Variants in NXPH2 observed in about 807,000 individuals in gnomAD.
NXPH2 encodes the protein neurexophilin 2.
A neutral mutation model predicts 19.8 loss-of-function variants in NXPH2; 5 were observed. The observed-to-expected ratio is 0.25, with a 90% CI of 0.13 to 0.53. The LOEUF is 0.53. Ranked by LOEUF, NXPH2 falls within the 20% of genes least tolerant of loss-of-function variation. NXPH2 has a pLI of 0.96. For synonymous variants in NXPH2, 154 were observed against 127.4 expected (o/e 1.21, Z -1.41); for missense variants, 289 against 322.8 (o/e 0.90, Z 0.80).
chr2:138,700,997 G>C (rs1179736569), intron 1 of NXPH2, among the ~76,000 whole-genome samples: 2 of 152,032 alleles, frequency 1.3e-5, no homozygotes, highest in East Asian at 1.9e-4. Flanking sequence ...AGCGACAAAG[G>C]CAGGCAGGAA....
chr2:138,707,815 C>G (rs1681040892), intron 1 of NXPH2, among the ~76,000 whole-genome samples: 1 of 152,046 alleles, frequency 6.6e-6, no homozygotes, highest in African/African-American at 2.4e-5. Flanking sequence ...TGGATTTGGC[C>G]CATCATTCTA....
chr2:138,710,067 G>A (rs1294215222), intron 1 of NXPH2, among the ~76,000 whole-genome samples: 1 of 152,122 alleles, frequency 6.6e-6, no homozygotes, highest in East Asian at 1.9e-4. Context: ...TAAACATCAA[G>A]CAATAACTCC....
chr2:138,753,945 G>C (rs1558929775), intron 1 of NXPH2, among the ~76,000 whole-genome samples: 1 of 151,984 alleles, frequency 6.6e-6, no homozygotes, highest in Non-Finnish European at 1.5e-5. Flanking sequence ...CAATTACTTA[G>C]ATCAGGAAAC....
intron 1 of NXPH2, among the ~76,000 whole-genome samples, chr2:138,776,573 T>A (rs2104846776): frequency 6.6e-6 from 1 of 151,962 alleles, no homozygotes; most frequent in East Asian, 1.9e-4. Context: ...GGAGTTCATT[T>A]TAATGCACGG....
chr2:138,714,523 T>C (rs916071626), intron 1 of NXPH2, among the ~76,000 whole-genome samples: 5 of 152,154 alleles, frequency 3.3e-5, no homozygotes, highest in African/African-American at 1.2e-4. Context: ...TTATATTCAA[T>C]GAGTGACTGC....
intron 1 of NXPH2, among the ~76,000 whole-genome samples, chr2:138,721,479 A>T (rs1000014753): frequency 1.2e-4 from 18 of 152,002 alleles, no homozygotes; most frequent in Non-Finnish European, 2.5e-4. Context: ...TTTTTTTTTA[A>T]TGGAGCAAAA....
At chr2:138,679,839 T>G (rs1680545767) in intron 1 of NXPH2, among the ~76,000 whole-genome samples, 1 of 152,168 alleles carries the variant, frequency 6.6e-6, no homozygotes, top group Non-Finnish European at 1.5e-5. Context: ...CAGGATTAAG[T>G]TTATTGCTTC....
chr2:138,736,926 G>A (rs931246876), intron 1 of NXPH2, among the ~76,000 whole-genome samples: 1 of 152,162 alleles, frequency 6.6e-6, no homozygotes, highest in African/African-American at 2.4e-5. Flanking sequence ...CATAACAAGA[G>A]TCACCTTGGC....
At chr2:138,774,402 C>CA (rs1682227135) in intron 1 of NXPH2, among the ~76,000 whole-genome samples, 1 of 152,128 alleles carries the variant, frequency 6.6e-6, no homozygotes, top group African/African-American at 2.4e-5. Flanking sequence ...TAAGTATATA[C>CA]ATCACTTGTG....
rs553618972 is a variant in NXPH2, at chr2:138,746,031, G to A, written c.51+34160C>T. 3.9e-5 allele frequency among the ~76,000 whole-genome samples: 6 copies of A among 152,278 alleles called. No homozygotes were observed. The South Asian group carries it at 1.2e-3, about 32-fold the overall frequency. On this transcript the variant is annotated intron_variant, in intron 1 of 1. Transcript: ENST00000272641. ...GTGGCAGTGCTGATAGTCGTGGGGA[G>A]AGGAGACAAGGAAGGTGGCAGCACA...
At chr2:138,717,892 A>T (rs548896837) in intron 1 of NXPH2, among the ~76,000 whole-genome samples, 1 of 152,310 alleles carries the variant, frequency 6.6e-6, no homozygotes, top group South Asian at 2.1e-4. Context: ...GGAAATTAAA[A>T]TAAGATTGCT....
intron 1 of NXPH2, among the ~76,000 whole-genome samples, chr2:138,776,928 A>G (rs1241572827): frequency 1.3e-5 from 2 of 152,064 alleles, no homozygotes; most frequent in African/African-American, 4.8e-5. Flanking sequence ...AGGATTCTAA[A>G]AATTTGCCAA....
At chr2:138,778,564 G>T (rs115408196) in intron 1 of NXPH2, among the ~76,000 whole-genome samples, 4 of 152,058 alleles carry the variant, frequency 2.6e-5, no homozygotes, top group African/African-American at 9.7e-5. Context: ...CACTGCTTAC[G>T]GAGCAGATAC....
At chr2:138,736,191 G>A (rs1681535923) in intron 1 of NXPH2, among the ~76,000 whole-genome samples, 2 of 152,150 alleles carry the variant, frequency 1.3e-5, no homozygotes, top group African/African-American at 4.8e-5. Flanking sequence ...ATCCCAGTTG[G>A]GACTCTGTGT....
chr2:138,718,255 G>T (rs886462150), intron 1 of NXPH2, among the ~76,000 whole-genome samples: 25 of 151,990 alleles, frequency 1.6e-4, no homozygotes, highest in African/African-American at 5.5e-4. Flanking sequence ...ACATACTGTT[G>T]AAATTAGTGA....
At chr2:138,772,921 C>G (rs1223730138) in intron 1 of NXPH2, among the ~76,000 whole-genome samples, 1 of 152,210 alleles carries the variant, frequency 6.6e-6, no homozygotes, top group African/African-American at 2.4e-5. Flanking sequence ...CAATAACTAT[C>G]ATTCTACTTA....
At chr2:138,678,560 T>C (rs977967486) in intron 1 of NXPH2, among the ~76,000 whole-genome samples, 2 of 152,170 alleles carry the variant, frequency 1.3e-5, no homozygotes, top group Non-Finnish European at 2.9e-5. Flanking sequence ...TTATCTAAAA[T>C]AACCTCAGAG....
intron 1 of NXPH2, among the ~76,000 whole-genome samples, chr2:138,708,314 T>C (rs1318690985): frequency 6.6e-6 from 1 of 152,190 alleles, no homozygotes; most frequent in East Asian, 1.9e-4. Flanking sequence ...GAAGAATGAG[T>C]ATCAATGAAT....
At chr2:138,728,405 A>C (rs1272233165) in intron 1 of NXPH2, among the ~76,000 whole-genome samples, 1 of 152,234 alleles carries the variant, frequency 6.6e-6, no homozygotes, top group East Asian at 1.9e-4. Context: ...CTAGAAGACT[A>C]ATATAATTTC....
Sources: gnomAD v4.1 joint callset for allele counts (sites outside exome capture counted in the v4.1 genomes callset) on GRCh38, gnomAD v4.1.1 for gene constraint, MANE v1.5 for transcripts, NCBI Gene and HGNC (gene_info 2026-07-23, HGNC 2026-07-21) for gene names.